EDA: variants seen among roughly 807,000 people sequenced by gnomAD.
EDA encodes ectodysplasin A.
A neutral mutation model predicts 23.6 loss-of-function variants in EDA; 2 were observed. The ratio of observed to expected loss-of-function variants is 0.08; its 90% CI spans 0.03 to 0.27. The LOEUF is 0.27. Ranked by LOEUF, EDA falls within the 10% of genes least tolerant of loss-of-function variation. The pLI is 1.00. For synonymous variants in EDA, 131 were observed against 132.0 expected (o/e 0.99, Z 0.05); for missense variants, 229 against 324.2 (o/e 0.71, Z 2.26).
intron 1 of EDA, among the ~76,000 whole-genome samples, chrX:69,850,844 T>G (rs1406854701): frequency 1.8e-5 from 2 of 112,117 alleles, no homozygotes; most frequent in African/African-American, 6.5e-5. Context: ...TATGCCTTCA[T>G]GCTTTTGCAC....
At chrX:69,644,516 C>A (rs1046259617) in intron 1 of EDA, among the ~76,000 whole-genome samples, 9 of 110,864 alleles carry the variant, frequency 8.1e-5, no homozygotes, top group Non-Finnish European at 1.7e-4. Context: ...GCTTTTGGGC[C>A]GAGATGATGG....
At chrX:69,806,635 G>A (rs2015822384) in intron 1 of EDA, among the ~76,000 whole-genome samples, 1 of 111,020 alleles carries the variant, frequency 9.0e-6, no homozygotes, top group Non-Finnish European at 1.9e-5. Flanking sequence ...TGGGTTACAT[G>A]CTACAAAAGA....
At chrX:69,794,698 T>A (rs758672191) in intron 1 of EDA, among the ~76,000 whole-genome samples, 1 of 112,322 alleles carries the variant, frequency 8.9e-6, no homozygotes, top group Non-Finnish European at 1.9e-5. Flanking sequence ...GACTAGGATG[T>A]TGGCAGTGAA....
intron 1 of EDA, among the ~76,000 whole-genome samples, chrX:69,733,709 T>C (rs1602347170): frequency 9.0e-6 from 1 of 111,582 alleles, no homozygotes; most frequent in South Asian, 3.8e-4. Flanking sequence ...GCCATTTTCA[T>C]GATATTGATT....
At chrX:69,901,693 G>T (rs112399726) in intron 1 of EDA, among the ~76,000 whole-genome samples, 1 of 111,519 alleles carries the variant, frequency 9.0e-6, no homozygotes, top group Non-Finnish European at 1.9e-5. Context: ...AACATTTAAA[G>T]GGGTAATATG....
At chrX:69,636,986 G>A (rs938487814) in intron 1 of EDA, among the ~76,000 whole-genome samples, 12 of 110,802 alleles carry the variant, frequency 1.1e-4, no homozygotes, top group African/African-American at 3.9e-4. Flanking sequence ...GCATTGCCCT[G>A]GGAAATCACA....
chrX:70,023,572 C>G (rs2020070151), intron 3 of EDA, among the ~76,000 whole-genome samples: 1 of 98,807 alleles, frequency 1.0e-5, no homozygotes, highest in Admixed American at 1.2e-4. Flanking sequence ...TCACTGAAAC[C>G]TCCACCTTTG....
At chrX:69,929,754 G>GTGT (rs2018573474) in intron 1 of EDA, among the ~76,000 whole-genome samples, 1 of 94,345 alleles carries the variant, frequency 1.1e-5, no homozygotes, top group East Asian at 3.2e-4. Flanking sequence ...GTGTGTGTGT[G>GTGT]ATGTATAATG....
chrX:69,823,265 TCGC>T, intron 1 of EDA, among the ~76,000 whole-genome samples: 1 of 76,615 alleles, frequency 1.3e-5, no homozygotes, highest in African/African-American at 6.0e-5. Flanking sequence ...CCCTGAGGAA[TCGC>T]CACACTGACT....
chrX:69,679,702 C>T (rs1348873276), intron 1 of EDA, among the ~76,000 whole-genome samples: 1 of 110,990 alleles, frequency 9.0e-6, no homozygotes, highest in Non-Finnish European at 1.9e-5. Context: ...CTATTTGATT[C>T]TTCTCTCTTT....
chrX:69,653,309 T>C (rs1270844637), intron 1 of EDA, among the ~76,000 whole-genome samples: 2 of 111,612 alleles, frequency 1.8e-5, no homozygotes, highest in Non-Finnish European at 3.8e-5. Flanking sequence ...TGCTTGTGAT[T>C]TTCGTACATT....
chrX:69,927,966 G>C, intron 1 of EDA, among the ~76,000 whole-genome samples: 1 of 111,122 alleles, frequency 9.0e-6, no homozygotes, highest in East Asian at 2.8e-4. Flanking sequence ...TAAATGTTAG[G>C]GGGGAAGAAT....
chrX:69,797,382 G>T (rs762802347), intron 1 of EDA, among the ~76,000 whole-genome samples: 5 of 111,292 alleles, frequency 4.5e-5, no homozygotes, highest in Admixed American at 1.9e-4. Flanking sequence ...TAAGGGAGTC[G>T]CCATCAGACT....
At chrX:69,828,200 G>C (rs1347080330) in intron 1 of EDA, among the ~76,000 whole-genome samples, 1 of 112,184 alleles carries the variant, frequency 8.9e-6, no homozygotes, top group Non-Finnish European at 1.9e-5. Flanking sequence ...GAGGCAGGCA[G>C]GCCTCCTTGA....
chrX:69,910,360 AGAGAGAGAGAGAGAGTGT>A (rs1276678820), intron 1 of EDA, among the ~76,000 whole-genome samples: 2 of 36,291 alleles, frequency 5.5e-5, no homozygotes, highest in African/African-American at 1.6e-4. Context: ...GGAGAGAGAG[AGAGAGAGAGAGAGAGTGT>A]GTGTGTGTGT....
chrX:69,894,429 C>T (rs929564803), intron 1 of EDA, among the ~76,000 whole-genome samples: 4 of 111,656 alleles, frequency 3.6e-5, no homozygotes, highest in African/African-American at 1.3e-4. Context: ...ATTATTTTTT[C>T]TAATTCTGTG....
At chrX:69,891,463 A>G (rs1001728463) in intron 1 of EDA, among the ~76,000 whole-genome samples, 3 of 112,055 alleles carry the variant, frequency 2.7e-5, no homozygotes, top group Non-Finnish European at 3.8e-5. Context: ...ACATGCATGC[A>G]TATGTCCATT....
At chrX:69,840,121 C>CT (rs1173403962) in intron 1 of EDA, among the ~76,000 whole-genome samples, 54 of 109,357 alleles carry the variant, frequency 4.9e-4, no homozygotes, top group African/African-American at 1.4e-3. Context: ...CCACACTGGC[C>CT]TTTTTTTTTC....
chrX:69,857,179 T>A (rs747457417), intron 1 of EDA, among the ~76,000 whole-genome samples: 1 of 112,002 alleles, frequency 8.9e-6, no homozygotes, highest in East Asian at 2.8e-4. Flanking sequence ...ATCAGTTGGC[T>A]GTAAGTATTT....
Sources: allele counts gnomAD v4.1 joint callset (sites outside exome capture counted in the v4.1 genomes callset), GRCh38; gene constraint gnomAD v4.1.1; transcripts MANE v1.5; gene names NCBI Gene and HGNC (gene_info 2026-07-23, HGNC 2026-07-21).